Variants in EPM2A observed in about 807,000 individuals in gnomAD.
EPM2A encodes the protein laforin.
A neutral mutation model predicts 26.5 loss-of-function variants in EPM2A; 21 were observed. The ratio of observed to expected loss-of-function variants is 0.79; its 90% confidence interval spans 0.56 to 1.14. EPM2A has a LOEUF of 1.14. Among genes scored for constraint, EPM2A ranks in the 50% most tolerant of loss-of-function variants. EPM2A has a pLI of 0.00. For missense variants in EPM2A, 458 were observed against 440.8 expected, an observed-to-expected ratio of 1.04 and a Z score of -0.35; for synonymous variants, 217 against 177.6, an observed-to-expected ratio of 1.22 and a Z score of -1.76.
chr6:145,710,094 A>T (rs1775221779), intron 1 of EPM2A, among the ~76,000 whole-genome samples: 1 of 152,168 alleles, frequency 6.6e-6, no homozygotes, highest in Admixed American at 6.5e-5. Context: ...AAGCAATGGC[A>T]ACAAAAGCCA....
At position 145,588,195 on chromosome 6, in the gene EPM2A, T is replaced by C. The variant is rs185102301; in HGVS notation, c.340+47050A>G. ...TAAACCTCATTGAATATGGTATTGATATGTTTATCATCTGGGAAAAATATA... is the reference window on the plus strand; with the variant it reads ...TAAACCTCATTGAATATGGTATTGACATGTTTATCATCTGGGAAAAATATA... On this transcript the variant is annotated intron_variant, in intron 2 of 3. Transcript: ENST00000450221. Among the ~76,000 whole-genome samples the C allele has an allele frequency of 4.3e-3, 653 of 152,296 alleles. 5 individuals are homozygous for C. The highest frequency in any genetic ancestry group is 0.014 in the African/African-American group (564 of 41,576).
chr6:145,398,746 G>C (rs1285627344), intron 4 of EPM2A, among the ~76,000 whole-genome samples: 1 of 151,828 alleles, frequency 6.6e-6, no homozygotes, highest in African/African-American at 2.4e-5. Flanking sequence ...TGTAGTCCCA[G>C]CTACTTGGGA....
chr6:145,435,348 T>C (rs1050999296), intron 4 of EPM2A, among the ~76,000 whole-genome samples: 1 of 151,110 alleles, frequency 6.6e-6, no homozygotes, highest in African/African-American at 2.4e-5. Flanking sequence ...AAGTGATTCT[T>C]CTAGCAAATG....
At chr6:145,421,023 T>A (rs1778774092) in intron 4 of EPM2A, among the ~76,000 whole-genome samples, 2 of 152,196 alleles carry the variant, frequency 1.3e-5, no homozygotes, top group South Asian at 4.1e-4. Context: ...CACTGGAAAT[T>A]AAGTTTCCAA....
At chr6:145,396,895 T>C (rs1348380779) in intron 4 of EPM2A, among the ~76,000 whole-genome samples, 1 of 152,156 alleles carries the variant, frequency 6.6e-6, no homozygotes, top group East Asian at 1.9e-4. Context: ...ACATCACAGA[T>C]AGGGGAGCTC....
intron 1 of EPM2A, among the ~76,000 whole-genome samples, chr6:145,731,042 G>A (rs75018213): frequency 0.016 from 2,418 of 151,708 alleles, 33 homozygotes; most frequent in Non-Finnish European, 0.023. Context: ...CAAATCCTGT[G>A]ATGTCTACAG....
intron 4 of EPM2A, among the ~76,000 whole-genome samples, chr6:145,396,234 C>T (rs1778403378): frequency 6.6e-6 from 1 of 152,124 alleles, no homozygotes; most frequent in African/African-American, 2.4e-5. Flanking sequence ...AGGGTGACTC[C>T]TTCCCCAGTT....
chr6:145,514,683 A>T (rs1780100869), intron 2 of EPM2A, among the ~76,000 whole-genome samples: 1 of 152,186 alleles, frequency 6.6e-6, no homozygotes, highest in Non-Finnish European at 1.5e-5. Context: ...CAATTTCTTG[A>T]GACATTTTTC....
intron 4 of EPM2A, among the ~76,000 whole-genome samples, chr6:145,395,221 C>T (rs529231081): frequency 8.2e-4 from 125 of 152,272 alleles, no homozygotes; most frequent in African/African-American, 2.8e-3. Context: ...CCTCTATATG[C>T]TTTACTTAAA....
At chr6:145,483,368 C>T (rs963325541) in intron 4 of EPM2A, among the ~76,000 whole-genome samples, 1 of 152,168 alleles carries the variant, frequency 6.6e-6, no homozygotes, top group African/African-American at 2.4e-5. Context: ...CTATACCTCT[C>T]TGAAACAAAG....
intron 2 of EPM2A, among the ~76,000 whole-genome samples, chr6:145,680,383 AT>A (rs11306601): frequency 0.026 from 3,770 of 144,858 alleles, 71 homozygotes; most frequent in East Asian, 0.074. Flanking sequence ...TTATTTATTT[AT>A]TTTATTTTAT....
intron 4 of EPM2A, among the ~76,000 whole-genome samples, chr6:145,387,889 G>C (rs535772747): frequency 2.0e-5 from 3 of 151,980 alleles, no homozygotes; most frequent in Admixed American, 6.6e-5. Flanking sequence ...TGATAGATGC[G>C]GGAAGGGTGG....
chr6:145,614,184 C>G (rs1775457381), intron 2 of EPM2A, among the ~76,000 whole-genome samples: 1 of 152,200 alleles, frequency 6.6e-6, no homozygotes, highest in Non-Finnish European at 1.5e-5. Context: ...TTTCTTTAAA[C>G]CTCATCAACC....
At chr6:145,426,319 A>G (rs1778854025) in intron 4 of EPM2A, among the ~76,000 whole-genome samples, 1 of 152,184 alleles carries the variant, frequency 6.6e-6, no homozygotes, top group Admixed American at 6.5e-5. Context: ...CCTTGAATTT[A>G]TTTATTCCAG....
At chr6:145,392,407 T>C (rs1046579521) in intron 4 of EPM2A, among the ~76,000 whole-genome samples, 1 of 152,160 alleles carries the variant, frequency 6.6e-6, no homozygotes, top group Non-Finnish European at 1.5e-5. Flanking sequence ...CAGAGGAAGA[T>C]GCTGTGTCTC....
At position 145,415,253 on chromosome 6, in the gene EPM2A, G is replaced by T. The variant is rs565552677; in HGVS notation, c.556-31156C>A. 1.5e-3 allele frequency among the ~76,000 whole-genome samples: 225 copies of T among 152,326 alleles called. 3 individuals are homozygous for T. Among genetic ancestry groups the T allele is most frequent in the Admixed American group, 2.5e-3 (38 of 15,296 alleles). ...TTCAATATGTTAAAATGTGTGGCCTGACAATGTACGGTTTTCACCTGAGCC... is the reference window on the plus strand; with the variant it reads ...TTCAATATGTTAAAATGTGTGGCCTTACAATGTACGGTTTTCACCTGAGCC... On this transcript the variant is annotated intron_variant, in intron 4 of 4. Transcript: ENST00000638717.
intron 4 of EPM2A, among the ~76,000 whole-genome samples, chr6:145,386,945 C>T (rs182658290): frequency 2.0e-5 from 3 of 152,078 alleles, no homozygotes; most frequent in Non-Finnish European, 2.9e-5. Flanking sequence ...TATTGACATA[C>T]TTTAGGGGAT....
intron 4 of EPM2A, among the ~76,000 whole-genome samples, chr6:145,492,469 A>G (rs2114742825): frequency 6.6e-6 from 1 of 152,242 alleles, no homozygotes; most frequent in South Asian, 2.1e-4. Flanking sequence ...CTGCCTTTTC[A>G]CATGAGGTGG....
intron 2 of EPM2A, among the ~76,000 whole-genome samples, chr6:145,609,503 T>C (rs1332805631): frequency 1.3e-5 from 2 of 152,212 alleles, no homozygotes. Flanking sequence ...TTTTAGGAGC[T>C]GATTCTTGTG....
Sources: allele counts gnomAD v4.1 joint callset (sites outside exome capture counted in the v4.1 genomes callset), GRCh38; gene constraint gnomAD v4.1.1; transcripts MANE v1.5; gene names NCBI Gene and HGNC (gene_info 2026-07-23, HGNC 2026-07-21).